The following PRDM2 variants were observed in gnomAD, a reference collection of about 807,000 sequenced individuals.
The protein encoded by PRDM2 is PR/SET domain 2, also known as PR domain zinc finger protein 2.
Under a neutral mutation model 130.0 loss-of-function variants are expected in PRDM2, and 30 were observed. The observed-to-expected ratio is 0.23, with a 90% CI of 0.17 to 0.31. The LOEUF (loss-of-function observed/expected upper bound fraction) is 0.31, where lower values mean the gene tolerates loss of function less well. Ranked by LOEUF, PRDM2 falls within the 10% of genes least tolerant of loss-of-function variation. The pLI is 1.00. For missense variants in PRDM2, 2,011 were observed against 2,108.4 expected, an observed-to-expected ratio of 0.95 and a Z score of 0.90; for synonymous variants, 871 against 782.4, an observed-to-expected ratio of 1.11 and a Z score of -1.89.
At chr1:13,769,548 ATC>A (rs1013839410) in intron 6 of PRDM2, among the ~76,000 whole-genome samples, 3 of 152,130 alleles carry the variant, frequency 2.0e-5, no homozygotes, top group African/African-American at 7.2e-5. Context: ...TAGCCCCTTC[ATC>A]TCTAGTCCAA....
chr1:13,798,214 A>T lies in PRDM2; in HGVS notation c.5036+15383A>T, dbSNP rs1314817787. 2.6e-5 allele frequency among the ~76,000 whole-genome samples: 4 copies of T among 152,182 alleles called. No individual in the cohort carries two copies. In the East Asian group the frequency reaches 7.7e-4, roughly 29 times the overall value. ...GAAAAAGAAAAAGAAATCCTCAAGG[A>T]TAATAGAGCCAAAGCTACCGCTCCG... On this transcript the variant is annotated intron_variant, in intron 8 of 9. Coordinates refer to ENST00000311066, the MANE Select transcript of PRDM2 (RefSeq NM_001393986.1).
intron 6 of PRDM2, among the ~76,000 whole-genome samples, chr1:13,756,080 T>C (rs1035552873): frequency 1.3e-5 from 2 of 148,256 alleles, no homozygotes; most frequent in Non-Finnish European, 3.0e-5. Flanking sequence ...TGAAACCCTG[T>C]CTCTTCTAAA....
intron 6 of PRDM2, among the ~76,000 whole-genome samples, chr1:13,754,850 A>G (rs1050648748): frequency 2.0e-5 from 3 of 152,172 alleles, no homozygotes; most frequent in African/African-American, 4.8e-5. Flanking sequence ...GTGCTTGGAC[A>G]TGGCAGTATT....
At chr1:13,814,876 C>T (rs7518274) in intron 8 of PRDM2, among the ~76,000 whole-genome samples, 12,631 of 152,226 alleles carry the variant, frequency 0.083, 617 homozygotes, top group African/African-American at 0.13. Context: ...TGACCTGGGC[C>T]GCCTTGTCCA....
chr1:13,819,503 T>C (rs1360893182), intron 9 of PRDM2, among the ~76,000 whole-genome samples: 4 of 152,206 alleles, frequency 2.6e-5, no homozygotes, highest in Non-Finnish European at 2.9e-5. Context: ...TAGCTTTTTT[T>C]CCATTTTTTA....
At chr1:13,821,017 C>T (rs1266217916) in intron 9 of PRDM2, among the ~76,000 whole-genome samples, 1 of 140,716 alleles carries the variant, frequency 7.1e-6, no homozygotes, top group Non-Finnish European at 1.5e-5. Context: ...ATCCCACTCC[C>T]CCGCAAACAG....
At chr1:13,766,038 A>G (rs1644219743) in intron 6 of PRDM2, among the ~76,000 whole-genome samples, 2 of 152,228 alleles carry the variant, frequency 1.3e-5, no homozygotes, top group Admixed American at 1.3e-4. Flanking sequence ...GAAAGGCTGT[A>G]TATTATAATG....
At chr1:13,790,853 C>T (rs943002406) in intron 8 of PRDM2, among the ~76,000 whole-genome samples, 4 of 152,102 alleles carry the variant, frequency 2.6e-5, no homozygotes, top group African/African-American at 7.2e-5. Flanking sequence ...GCCCTTGTGC[C>T]GCTTCCTCTG....
At chr1:13,791,174 C>T (rs1424696991) in intron 8 of PRDM2, among the ~76,000 whole-genome samples, 1 of 151,912 alleles carries the variant, frequency 6.6e-6, no homozygotes, top group African/African-American at 2.4e-5. Flanking sequence ...GCAGTACCTT[C>T]TCCATAAAAG....
intron 8 of PRDM2, among the ~76,000 whole-genome samples, chr1:13,786,303 A>C (rs1209728803): frequency 1.3e-5 from 2 of 152,104 alleles, no homozygotes; most frequent in Non-Finnish European, 2.9e-5. Context: ...TCATGCCTCC[A>C]TCTCTGCTAC....
intron 2 of PRDM2, 70 bp from the exon 3 acceptor site, chr1:13,730,930 G>GAAAAA: frequency 2.1e-6 from 2 of 967,566 alleles, no homozygotes; most frequent in Non-Finnish European, 1.5e-6. Flanking sequence ...TATTGAACCA[G>GAAAAA]AAAAAAAAAA....
chr1:13,713,675 G>T (rs942234139), intron 1 of PRDM2, among the ~76,000 whole-genome samples: 3 of 152,188 alleles, frequency 2.0e-5, no homozygotes, highest in African/African-American at 7.2e-5. Flanking sequence ...CCCTGAGCCA[G>T]TGTTAATAAA....
intron 8 of PRDM2, 86 bp from the exon 9 acceptor site, chr1:13,816,341 C>T: frequency 2.6e-6 from 4 of 1,526,120 alleles, no homozygotes; most frequent in Non-Finnish European, 3.6e-6. Flanking sequence ...GAAGTGGTGA[C>T]CAGCACTAAG....
chr1:13,820,816 G>A (rs2100775746), intron 9 of PRDM2, among the ~76,000 whole-genome samples: 1 of 151,868 alleles, frequency 6.6e-6, no homozygotes, highest in East Asian at 1.9e-4. Flanking sequence ...TCCTTTAATG[G>A]ATCCCACGTG....
At chr1:13,724,176 T>A (rs1642830348) in intron 2 of PRDM2, among the ~76,000 whole-genome samples, 1 of 152,200 alleles carries the variant, frequency 6.6e-6, no homozygotes, top group African/African-American at 2.4e-5. Flanking sequence ...TTCACCACCC[T>A]GGGGTTTAAA....
intron 9 of PRDM2, among the ~76,000 whole-genome samples, chr1:13,819,050 C>T (rs549629248): frequency 5.3e-5 from 8 of 152,342 alleles, no homozygotes; most frequent in African/African-American, 1.9e-4. Flanking sequence ...AATTCCGACT[C>T]TGGGAACCAT....
intron 8 of PRDM2, among the ~76,000 whole-genome samples, chr1:13,797,064 A>T (rs1644934132): frequency 6.6e-6 from 1 of 152,200 alleles, no homozygotes; most frequent in Non-Finnish European, 1.5e-5. Context: ...TTATGTTTAG[A>T]ATAAATAATC....
At chr1:13,807,538 G>C (rs1645104339) in intron 8 of PRDM2, among the ~76,000 whole-genome samples, 1 of 152,314 alleles carries the variant, frequency 6.6e-6, no homozygotes, top group Non-Finnish European at 1.5e-5. Flanking sequence ...AAATAAAGTG[G>C]TTAAGCGAGG....
chr1:13,789,882 GCT>G lies in PRDM2; in HGVS notation c.5036+7055_5036+7056del, dbSNP rs570905554. On this transcript the variant is annotated intron_variant, in intron 8 of 9. Coordinates refer to ENST00000311066, the MANE Select transcript of PRDM2 (RefSeq NM_001393986.1). ...TTCCCCGTCAGCCTTTACAGGCCCA[GCT>G]CTCATGGCCTCTTTCCTGCCTGATG... Among the ~76,000 whole-genome samples the G allele has an allele frequency of 1.2e-3, 177 of 152,358 alleles. 3 individuals carry two copies. The South Asian group carries it at 0.036, about 31-fold the overall frequency.
Sources: allele counts gnomAD v4.1 joint callset (sites outside exome capture counted in the v4.1 genomes callset), GRCh38; gene constraint gnomAD v4.1.1; transcripts MANE v1.5; gene names NCBI Gene and HGNC (gene_info 2026-07-23, HGNC 2026-07-21).